AHCTF1: variants seen among roughly 807,000 people sequenced by gnomAD.
The protein encoded by AHCTF1 is AT-hook containing transcription factor 1.
AHCTF1 carries 24 observed loss-of-function variants against 248.4 expected under a neutral mutation model. The observed-to-expected ratio is 0.10, with a 90% CI of 0.07 to 0.14. The LOEUF (loss-of-function observed/expected upper bound fraction) is 0.14, where lower values mean the gene tolerates loss of function less well. Ranked by LOEUF, AHCTF1 falls within the 10% of genes least tolerant of loss-of-function variation. AHCTF1 has a pLI of 1.00. For synonymous variants in AHCTF1, 786 were observed against 929.8 expected (o/e 0.85, Z 2.81); for missense variants, 2,206 against 2,636.2 (o/e 0.84, Z 3.57).
chr1:246,872,051 C>CAAA (rs753977798), intron 24 of AHCTF1, among the ~76,000 whole-genome samples: 3,688 of 83,614 alleles, frequency 0.044, 240 homozygotes, highest in African/African-American at 0.13. Flanking sequence ...CTATTAATGA[C>CAAA]AAAAAAAAAA....
At chr1:246,859,221 C>A (rs1165520033) in intron 29 of AHCTF1, among the ~76,000 whole-genome samples, 1 of 152,188 alleles carries the variant, frequency 6.6e-6, no homozygotes, top group Non-Finnish European at 1.5e-5. Flanking sequence ...ACTTAAGATG[C>A]AGATTTTTAT....
rs1217023440 is a variant in AHCTF1 at position 246,928,457 on chromosome 1, A to G, written c.-8+3121T>C. Among the ~76,000 whole-genome samples the G allele has an allele frequency of 2.0e-5, 3 of 152,294 alleles. No homozygotes were observed. In the South Asian group the frequency reaches 6.2e-4, roughly 32 times the overall value. ...CAGGTCCTAAATGTAATAAATTAGG[A>G]TAACAGGATACTGTATAGCAGGATA... On this transcript the variant is annotated intron_variant, in intron 1 of 35. Coordinates refer to ENST00000648844, the MANE Select transcript of AHCTF1 (RefSeq NM_001323342.2).
intron 33 of AHCTF1, among the ~76,000 whole-genome samples, chr1:246,848,596 T>C (rs1660458091): frequency 6.7e-6 from 1 of 149,682 alleles, no homozygotes; most frequent in Non-Finnish European, 1.5e-5. Context: ...CTGGGTGTGG[T>C]GGCTCACGCC....
chr1:246,881,047 T>G (rs1302249125), intron 21 of AHCTF1, among the ~76,000 whole-genome samples: 1 of 152,208 alleles, frequency 6.6e-6, no homozygotes, highest in African/African-American at 2.4e-5. Context: ...ATATGCATTA[T>G]GAAATGCACG....
intron 11 of AHCTF1, among the ~76,000 whole-genome samples, chr1:246,898,691 TTATC>T (rs1433321293): frequency 1.3e-5 from 2 of 151,130 alleles, no homozygotes; most frequent in Non-Finnish European, 2.9e-5. Flanking sequence ...CTACTCCTCT[TTATC>T]TAATGTGAAA....
chr1:246,885,777 A>T, intron 20 of AHCTF1, 97 bp from the exon 21 acceptor site: 1 of 1,161,410 alleles, frequency 8.6e-7, no homozygotes, highest in Non-Finnish European at 1.2e-6. Context: ...AATCCAGATA[A>T]GACTCGTTTA....
At chr1:246,912,492 A>AC (rs1390741158) in intron 4 of AHCTF1, among the ~76,000 whole-genome samples, 5 of 151,950 alleles carry the variant, frequency 3.3e-5, no homozygotes, top group African/African-American at 1.2e-4. Context: ...CAAAAAAAAA[A>AC]AACAAAACCA....
At position 246,855,774 on chromosome 1, in the gene AHCTF1, G is replaced by A; in HGVS notation, c.4310C>T (p.Ser1437Phe). ...KVPVLDEGLT[S>F]VETYTPAIRA... ...AATTGCAGGGGTGTAGGTTTCAACA[G>A]ATGTTAATCCTTCGTCCAACACTGG... Residue 1437 changes from serine (S) to phenylalanine (F), a missense_variant, in exon 31 of 36, where the codon TCT (serine) becomes TTT (phenylalanine). By Grantham distance (155) the Ser-to-Phe change is radical. Transcript: ENST00000648844. The A allele has an allele frequency of 6.2e-7, 1 of 1,613,516 alleles. No individual in the cohort carries two copies. Among genetic ancestry groups the A allele is most frequent in the Non-Finnish European group, 8.5e-7 (1 of 1,179,726 alleles).
intron 11 of AHCTF1, among the ~76,000 whole-genome samples, chr1:246,898,691 T>A (rs569496651): frequency 6.6e-6 from 1 of 151,250 alleles, no homozygotes; most frequent in East Asian, 2.0e-4. Context: ...CTACTCCTCT[T>A]TATCTAATGT....
At chr1:246,844,319 C>T (rs1348464500) in intron 33 of AHCTF1, among the ~76,000 whole-genome samples, 1 of 152,240 alleles carries the variant, frequency 6.6e-6, no homozygotes, top group African/African-American at 2.4e-5. Flanking sequence ...ATTGCAGAGA[C>T]GTTATTTACA....
chr1:246,929,801 C>G (rs982115277), intron 1 of AHCTF1, among the ~76,000 whole-genome samples: 6 of 152,188 alleles, frequency 3.9e-5, no homozygotes, highest in African/African-American at 1.2e-4. Flanking sequence ...CGCCTGTAAT[C>G]CCAGCACTCT....
intron 5 of AHCTF1, among the ~76,000 whole-genome samples, 154 bp downstream of exon 5, chr1:246,907,397 A>C (rs1331447330): frequency 1.3e-5 from 2 of 152,234 alleles, no homozygotes; most frequent in Non-Finnish European, 2.9e-5. Context: ...CATTGATTTA[A>C]TGCCATGAAA....
Position 246,903,953 on chromosome 1 carries a change from T to C in AHCTF1, c.962A>G (p.Tyr321Cys). Residue 321 changes from tyrosine to cysteine, a missense_variant, in exon 7 of 36, where the codon TAT (tyrosine) becomes TGT (cysteine). Tyr to Cys is a radical substitution (Grantham distance 194). Around this residue, in one of 6 missense-constraint regions of AHCTF1, gnomAD observed 650 missense variants for 870.8 expected, o/e 0.75. Coordinates refer to ENST00000648844, the MANE Select transcript of AHCTF1 (RefSeq NM_001323342.2). Reference sequence around the variant, plus strand: ...CATAGTCCAATGACCATTTACCTCATATAAGATTTGTCCTGATGCCAAACA... The same window carrying C: ...CATAGTCCAATGACCATTTACCTCACATAAGATTTGTCCTGATGCCAAACA... Reference protein sequence around the residue: ...RKCLASGQILYEGLEYCEERY... With the variant: ...RKCLASGQILCEGLEYCEERY... 6.2e-7 allele frequency: 1 copy of C among 1,613,064 alleles called. No homozygotes were observed. The highest frequency in any genetic ancestry group is 8.5e-7 in the Non-Finnish European group (1 of 1,179,180).
intron 33 of AHCTF1, among the ~76,000 whole-genome samples, chr1:246,847,520 C>T (rs545248756): frequency 7.9e-5 from 12 of 152,146 alleles, no homozygotes; most frequent in Admixed American, 1.3e-4. Context: ...TGTTTTGAGA[C>T]GTGGTCTTGC....
intron 24 of AHCTF1, 37 bp from the exon 25 acceptor site, chr1:246,867,848 TAACA>T: frequency 6.7e-7 from 1 of 1,491,904 alleles, no homozygotes. Flanking sequence ...AGTGCATCTC[TAACA>T]AACGGGAATT....
chr1:246,906,726 C>T (rs914793356), intron 5 of AHCTF1, among the ~76,000 whole-genome samples: 5 of 152,112 alleles, frequency 3.3e-5, no homozygotes, highest in Non-Finnish European at 5.9e-5. Flanking sequence ...AACTTAAGGG[C>T]CAAATAGGCA....
At position 246,849,821 on chromosome 1, in the gene AHCTF1, T is replaced by C. The variant is rs1435511115; in HGVS notation, c.6185A>G (p.His2062Arg). Residue 2062 changes from histidine to arginine, a missense_variant, in exon 33 of 36, where the codon CAC becomes CGC. Physicochemically the swap from His to Arg is conservative, Grantham distance 29. Coordinates refer to ENST00000648844, the MANE Select transcript of AHCTF1 (RefSeq NM_001323342.2). ...TESQSQKRSL[H>R]SVSEERTDEM... The stretch of plus-strand genomic sequence containing the variant: ...ATCTGTGCGTTCTTCTGATACTGAG[T>C]GCAATGAACGTTTTTGGCTTTGACT... 4 of 1,613,984 alleles carry C rather than the reference T, an allele frequency of 2.5e-6. No homozygotes were observed. The highest frequency in any genetic ancestry group is 3.4e-6 in the Non-Finnish European group (4 of 1,179,862).
At chr1:246,914,363 T>C (rs1431530691) in intron 3 of AHCTF1, among the ~76,000 whole-genome samples, 1 of 152,198 alleles carries the variant, frequency 6.6e-6, no homozygotes, top group Non-Finnish European at 1.5e-5. Context: ...GAAAAGAAAA[T>C]ATCTGATATC....
chr1:246,895,976 G>A (rs755351100), intron 12 of AHCTF1, 51 bp from the exon 13 acceptor site: 3 of 1,473,194 alleles, frequency 2.0e-6, no homozygotes, highest in Admixed American at 1.9e-5. Flanking sequence ...GAGGGTGTGA[G>A]ATCATAGGCA....
Sources: allele counts gnomAD v4.1 joint callset (sites outside exome capture counted in the v4.1 genomes callset), GRCh38; gene constraint gnomAD v4.1.1; regional missense constraint gnomAD v4.1.1; transcripts MANE v1.5; gene names NCBI Gene and HGNC (gene_info 2026-07-23, HGNC 2026-07-21).